TBC1D22B: variants seen among roughly 807,000 people sequenced by gnomAD.
The protein encoded by TBC1D22B is TBC1 domain family member 22B.
A neutral mutation model predicts 69.1 loss-of-function variants in TBC1D22B; 32 were observed. The observed-to-expected ratio is 0.46, with a 90% CI of 0.35 to 0.62. The LOEUF (loss-of-function observed/expected upper bound fraction) is 0.62, where lower values mean the gene tolerates loss of function less well. Among genes scored for constraint, TBC1D22B ranks in the 20% least tolerant of loss-of-function variants. The probability of loss-of-function intolerance (pLI) is 0.00; values close to 1 mark genes in which losing one functional copy is unlikely to be tolerated. For synonymous variants in TBC1D22B, 206 were observed against 229.8 expected (o/e 0.90, Z 0.94); for missense variants, 462 against 630.9 (o/e 0.73, Z 2.87).
chr6:37,308,944 TA>T (rs11311872), intron 8 of TBC1D22B, among the ~76,000 whole-genome samples: 119,922 of 141,210 alleles, frequency 0.85, 50,695 homozygotes, highest in South Asian at 0.9. Context: ...TCCTGTCTCT[TA>T]AAAAAAAAAA....
intron 12 of TBC1D22B, among the ~76,000 whole-genome samples, chr6:37,329,470 G>A (rs769122947): frequency 2.0e-5 from 3 of 152,228 alleles, no homozygotes; most frequent in Non-Finnish European, 4.4e-5. Context: ...TGTACACACA[G>A]TAGTGTGACT....
intron 8 of TBC1D22B, among the ~76,000 whole-genome samples, chr6:37,291,693 T>C (rs2113753319): frequency 6.6e-6 from 1 of 152,322 alleles, no homozygotes; most frequent in South Asian, 2.1e-4. Flanking sequence ...GAATTTTAGA[T>C]TGGACATCAA....
intron 1 of TBC1D22B, among the ~76,000 whole-genome samples, chr6:37,258,338 G>A (rs1583511069): frequency 6.6e-6 from 1 of 152,148 alleles, no homozygotes; most frequent in African/African-American, 2.4e-5. Flanking sequence ...CCTCTCAGGG[G>A]TCTCCACCAC....
chr6:37,282,375 G>C lies in TBC1D22B; in HGVS notation c.601+11G>C. On this transcript the variant is annotated intron_variant, in intron 4 of 12. Transcript: ENST00000373491. ...AGAACACTGACTTAGGTGAGTCCCT[G>C]TGAGCCCAGGCAAGGTAGGAGCTTT... The C allele has an allele frequency of 6.3e-7, 1 of 1,580,622 alleles. No homozygotes were observed. Among genetic ancestry groups the C allele is most frequent in the Non-Finnish European group, 8.6e-7 (1 of 1,161,804 alleles).
In TBC1D22B at chr6:37,282,314, C is replaced by T. The variant is rs146761886; in HGVS notation, c.551C>T (p.Thr184Ile). 3 of 1,613,630 alleles carry T rather than the reference C, an allele frequency of 1.9e-6. No homozygotes were observed. The highest frequency in any genetic ancestry group is 1.7e-5 in the Admixed American group (1 of 59,970). The change falls in exon 4 of 13, where the codon ACC becomes ATC. Residue 184 changes from threonine to isoleucine, a missense_variant. Physicochemically the swap from Thr to Ile is moderately conservative, Grantham distance 89 (BLOSUM62 -1). Coordinates refer to ENST00000373491, the MANE Select transcript of TBC1D22B (RefSeq NM_017772.4). Reference protein sequence around the residue: ...GAPPMTVREKTRLEKFRQLLS... With the variant: ...GAPPMTVREKIRLEKFRQLLS... ...CCCCCAATGACTGTCCGGGAGAAAACCCGCCTAGAAAAATTCCGTCAACTT... is the reference window on the plus strand; with the variant it reads ...CCCCCAATGACTGTCCGGGAGAAAATCCGCCTAGAAAAATTCCGTCAACTT...
chr6:37,307,419 A>G (rs1258246082), intron 8 of TBC1D22B, among the ~76,000 whole-genome samples: 2 of 149,944 alleles, frequency 1.3e-5, no homozygotes, highest in African/African-American at 4.9e-5. Context: ...GCAGTGGCAT[A>G]ATCTCGGCTC....
intron 1 of TBC1D22B, among the ~76,000 whole-genome samples, chr6:37,268,816 A>G (rs1766388112): frequency 6.6e-6 from 1 of 152,164 alleles, no homozygotes; most frequent in African/African-American, 2.4e-5. Context: ...TGCTTTACTT[A>G]TTTGTTCAAC....
At chr6:37,311,693 G>GA (rs60562943) in intron 8 of TBC1D22B, among the ~76,000 whole-genome samples, 8 of 150,734 alleles carry the variant, frequency 5.3e-5, no homozygotes, top group East Asian at 1.9e-4. Flanking sequence ...AAGGAAGAAA[G>GA]AAAAAAAAAG....
At chr6:37,330,369 G>C (rs1371047269) in intron 12 of TBC1D22B, among the ~76,000 whole-genome samples, 1 of 151,490 alleles carries the variant, frequency 6.6e-6, no homozygotes, top group Non-Finnish European at 1.5e-5. Context: ...CTCCCAAGTA[G>C]CTGTGACTAC....
At chr6:37,262,375 G>A (rs2113969091) in intron 1 of TBC1D22B, among the ~76,000 whole-genome samples, 1 of 152,164 alleles carries the variant, frequency 6.6e-6, no homozygotes, top group South Asian at 2.1e-4. Flanking sequence ...GTAGAGACAG[G>A]TCTTGCCATG....
intron 8 of TBC1D22B, among the ~76,000 whole-genome samples, chr6:37,293,338 A>G (rs1473621666): frequency 6.6e-6 from 1 of 151,994 alleles, no homozygotes; most frequent in Non-Finnish European, 1.5e-5. Context: ...CGGCCTCCCA[A>G]AGTGCTGGGA....
intron 12 of TBC1D22B, among the ~76,000 whole-genome samples, chr6:37,319,100 G>A (rs1481477837): frequency 6.6e-6 from 1 of 152,172 alleles, no homozygotes; most frequent in Non-Finnish European, 1.5e-5. Context: ...GTAGATAGAT[G>A]GAAAGACAGG....
At chr6:37,263,677 G>A (rs918066244) in intron 1 of TBC1D22B, among the ~76,000 whole-genome samples, 2 of 152,078 alleles carry the variant, frequency 1.3e-5, no homozygotes, top group South Asian at 2.1e-4. Flanking sequence ...TCCGCCTCCC[G>A]GGTTCAAGCG....
chr6:37,261,250 G>A (rs1257445980), intron 1 of TBC1D22B, among the ~76,000 whole-genome samples: 1 of 151,980 alleles, frequency 6.6e-6, no homozygotes, highest in African/African-American at 2.4e-5. Context: ...TGGCCAACGT[G>A]GTGAAACCCC....
intron 1 of TBC1D22B, among the ~76,000 whole-genome samples, chr6:37,268,890 G>T (rs115464754): frequency 6.6e-6 from 1 of 152,106 alleles, no homozygotes; most frequent in Non-Finnish European, 1.5e-5. Flanking sequence ...ATTGTCATTG[G>T]TGTATAATGT....
At chr6:37,269,567 A>C (rs531356709) in intron 1 of TBC1D22B, 27 bp from the exon 2 acceptor site, 1 of 1,612,936 alleles carries the variant, frequency 6.2e-7, no homozygotes, top group Non-Finnish European at 8.5e-7. Context: ...TAAACTAACT[A>C]TTTCTTCCTT....
At chr6:37,315,194 A>G (rs182984943) in intron 10 of TBC1D22B, among the ~76,000 whole-genome samples, 91 of 152,334 alleles carry the variant, frequency 6.0e-4, no homozygotes, top group Admixed American at 1.4e-3. Flanking sequence ...ATAAAGGCAT[A>G]ATACTTTGGA....
At chr6:37,273,183 C>CAAA (rs58720560) in intron 2 of TBC1D22B, among the ~76,000 whole-genome samples, 5 of 77,272 alleles carry the variant, frequency 6.5e-5, no homozygotes, top group African/African-American at 1.4e-4. Flanking sequence ...AACCCCGAGG[C>CAAA]AAAAAAAAAA....
intron 8 of TBC1D22B, among the ~76,000 whole-genome samples, chr6:37,293,142 A>G (rs946935941): frequency 1.3e-5 from 2 of 150,188 alleles, no homozygotes; most frequent in African/African-American, 5.0e-5. Flanking sequence ...CAGTGGCGTG[A>G]TCTCGGCTCA....
Sources: allele counts gnomAD v4.1 joint callset (sites outside exome capture counted in the v4.1 genomes callset), GRCh38; gene constraint gnomAD v4.1.1; transcripts MANE v1.5; gene names NCBI Gene and HGNC (gene_info 2026-07-23, HGNC 2026-07-21).